DLGAP2: variants seen among roughly 807,000 people sequenced by gnomAD.
DLGAP2 encodes DLG associated protein 2.
In DLGAP2, 26 loss-of-function variants were observed where a neutral mutation model predicts 100.3. The ratio of observed to expected loss-of-function variants is 0.26; its 90% CI spans 0.19 to 0.36. The LOEUF is 0.36. DLGAP2 is among the 10% of genes least tolerant of loss of function. The pLI is 1.00. For synonymous variants in DLGAP2, 886 were observed against 630.1 expected (o/e 1.41, Z -6.08); for missense variants, 1,858 against 1,453.2 (o/e 1.28, Z -4.53).
intron 2 of DLGAP2, among the ~76,000 whole-genome samples, chr8:1,092,446 C>T (rs1395164484): frequency 6.6e-6 from 1 of 152,204 alleles, no homozygotes; most frequent in African/African-American, 2.4e-5. Flanking sequence ...CGCACTTTCC[C>T]CTTCCTCTTT....
intron 13 of DLGAP2, 121 bp downstream of exon 13, chr8:1,691,747 C>A: frequency 1.1e-6 from 1 of 874,182 alleles, no homozygotes; most frequent in South Asian, 1.7e-5. Flanking sequence ...ATATCACGTG[C>A]ACTTACTACA....
chr8:1,526,905 T>C (rs1286101116), intron 4 of DLGAP2, among the ~76,000 whole-genome samples: 1 of 152,232 alleles, frequency 6.6e-6, no homozygotes, highest in African/African-American at 2.4e-5. Flanking sequence ...CTTTGCCACC[T>C]TGGAGAGGAG....
intron 3 of DLGAP2, among the ~76,000 whole-genome samples, chr8:1,497,703 G>C (rs984770902): frequency 6.6e-6 from 1 of 152,192 alleles, no homozygotes; most frequent in Admixed American, 6.5e-5. Context: ...CAGGGTTCTT[G>C]CCTAGTGAGG....
intron 1 of DLGAP2, among the ~76,000 whole-genome samples, chr8:752,158 G>A (rs952213521): frequency 2.6e-5 from 4 of 152,190 alleles, no homozygotes; most frequent in Non-Finnish European, 5.9e-5. Context: ...TCCCTTCCCT[G>A]TGCTGAAATC....
At chr8:888,679 A>G (rs184838465) in intron 1 of DLGAP2, among the ~76,000 whole-genome samples, 55 of 150,146 alleles carry the variant, frequency 3.7e-4, no homozygotes, top group African/African-American at 1.2e-3. Context: ...TTCAGGCCCT[A>G]TTCATCTGAC....
At chr8:761,518 C>T (rs75381211) in intron 1 of DLGAP2, among the ~76,000 whole-genome samples, 1 of 152,220 alleles carries the variant, frequency 6.6e-6, no homozygotes, top group Non-Finnish European at 1.5e-5. Context: ...AAACAAAAAT[C>T]TGTGGATTTT....
intron 1 of DLGAP2, among the ~76,000 whole-genome samples, chr8:855,136 C>A (rs943637550): frequency 2.0e-5 from 3 of 152,090 alleles, no homozygotes; most frequent in African/African-American, 7.2e-5. Flanking sequence ...GCAGCGTCTT[C>A]GTGTGGGTGG....
intron 2 of DLGAP2, among the ~76,000 whole-genome samples, chr8:1,224,900 C>T (rs1334019812): frequency 6.6e-6 from 1 of 152,224 alleles, no homozygotes; most frequent in Non-Finnish European, 1.5e-5. Flanking sequence ...CCCACATCTG[C>T]TAGGATGGCT....
chr8:1,550,023 C>G (rs972026271), intron 5 of DLGAP2, among the ~76,000 whole-genome samples: 7 of 152,188 alleles, frequency 4.6e-5, no homozygotes, highest in African/African-American at 1.4e-4. Context: ...TCTCCCAATT[C>G]TTCCCCATCC....
intron 3 of DLGAP2, among the ~76,000 whole-genome samples, chr8:1,339,071 G>T (rs1801358776): frequency 6.6e-6 from 1 of 151,274 alleles, no homozygotes; most frequent in African/African-American, 2.4e-5. Flanking sequence ...GAGGCATCAG[G>T]ACCTGGCAGG....
intron 3 of DLGAP2, among the ~76,000 whole-genome samples, chr8:1,494,485 CT>C (rs1272025660): frequency 3.9e-5 from 6 of 152,218 alleles, no homozygotes; most frequent in Non-Finnish European, 7.3e-5. Flanking sequence ...AATCCCAGCA[CT>C]TTGGGAGGCC....
intron 2 of DLGAP2, among the ~76,000 whole-genome samples, chr8:1,068,412 C>G (rs1041789694): frequency 8.5e-5 from 13 of 152,176 alleles, no homozygotes; most frequent in African/African-American, 3.1e-4. Context: ...TGTTCACCCC[C>G]CACAGTGGAT....
chr8:1,615,476 C>G (rs1239319147), intron 6 of DLGAP2, among the ~76,000 whole-genome samples: 1 of 152,022 alleles, frequency 6.6e-6, no homozygotes, highest in South Asian at 2.1e-4. Flanking sequence ...GAGAAGACCC[C>G]GATGGTAGAA....
At chr8:1,288,190 A>AGT (rs1179699312) in intron 3 of DLGAP2, among the ~76,000 whole-genome samples, 17,075 of 93,428 alleles carry the variant, frequency 0.18, 1,617 homozygotes, top group East Asian at 0.31. Context: ...GTTTCGGTTG[A>AGT]GTGTGTGTGT....
At chr8:879,771 G>A (rs1797751586) in intron 1 of DLGAP2, among the ~76,000 whole-genome samples, 1 of 152,150 alleles carries the variant, frequency 6.6e-6, no homozygotes, top group Non-Finnish European at 1.5e-5. Flanking sequence ...TGCTCCTAGG[G>A]AGAACCATGT....
chr8:1,499,788 G>A (rs912684527), intron 3 of DLGAP2, among the ~76,000 whole-genome samples: 4 of 152,186 alleles, frequency 2.6e-5, no homozygotes, highest in Non-Finnish European at 5.9e-5. Context: ...AGAGGCGACC[G>A]TATCCTCTTC....
In DLGAP2 at chr8:1,684,622, A is replaced by G. The variant is rs551094583; in HGVS notation, c.2704+5993A>G. ...GTCTTCTATGGTTAATAAAATCTAT[A>G]GTGAACCCAAAGAAATGCTGGTCTG... is the stretch of plus-strand genomic sequence containing the variant. On this transcript the variant is annotated intron_variant, in intron 12 of 14. Transcript: ENST00000637795. Among the ~76,000 whole-genome samples the G allele has an allele frequency of 1.7e-4, 26 of 152,284 alleles. No homozygotes were observed. In the South Asian group the frequency reaches 2.7e-3, roughly 16 times the overall value.
At position 1,550,011 on chromosome 8, in the gene DLGAP2, C is replaced by T. The variant is rs149711366; in HGVS notation, c.1230+328C>T. ...CACTGAAATGTTGTCCTTTGACCAACATCTCCCAATTCTTCCCCATCCCCA... is the reference window on the plus strand; with the variant it reads ...CACTGAAATGTTGTCCTTTGACCAATATCTCCCAATTCTTCCCCATCCCCA... On this transcript the variant is annotated intron_variant, in intron 5 of 14. Coordinates refer to ENST00000637795, the MANE Select transcript of DLGAP2 (RefSeq NM_001346810.2). Among the ~76,000 whole-genome samples the T allele has an allele frequency of 2.1e-4, 32 of 152,322 alleles. No homozygotes were observed. The East Asian group carries it at 6.2e-3, about 29-fold the overall frequency.
At chr8:1,656,825 A>T (rs1798296062) in intron 8 of DLGAP2, among the ~76,000 whole-genome samples, 1 of 152,202 alleles carries the variant, frequency 6.6e-6, no homozygotes. Flanking sequence ...CAGAGTACTC[A>T]AGAGGCAAAG....
Sources: gnomAD v4.1 joint callset for allele counts (sites outside exome capture counted in the v4.1 genomes callset) on GRCh38, gnomAD v4.1.1 for gene constraint, MANE v1.5 for transcripts, NCBI Gene and HGNC (gene_info 2026-07-23, HGNC 2026-07-21) for gene names.